The following FAM133A variants were observed in gnomAD, a reference collection of about 807,000 sequenced individuals.
The protein encoded by FAM133A is protein FAM133A.
For missense variants in FAM133A, 159 were observed against 164.4 expected, an observed-to-expected ratio of 0.97 and a Z score of 0.18; for synonymous variants, 65 against 58.6, an observed-to-expected ratio of 1.11 and a Z score of -0.50.
intron 3 of FAM133A, among the ~76,000 whole-genome samples, chrX:93,700,635 A>G (rs1370519635): frequency 9.0e-6 from 1 of 111,494 alleles, no homozygotes; most frequent in Non-Finnish European, 1.9e-5. Context: ...ATTACGTGCT[A>G]TTATTTTCAG....
At chrX:93,678,782 G>T (rs1223324826) in intron 2 of FAM133A, among the ~76,000 whole-genome samples, 1 of 111,783 alleles carries the variant, frequency 8.9e-6, no homozygotes, top group South Asian at 3.7e-4. Flanking sequence ...GTATGTGTGG[G>T]TCTATGTTGG....
At chrX:93,676,271 C>T (rs1924690005) in intron 2 of FAM133A, among the ~76,000 whole-genome samples, 1 of 111,037 alleles carries the variant, frequency 9.0e-6, no homozygotes, top group Non-Finnish European at 1.9e-5. Flanking sequence ...TCAGGCAATA[C>T]ATTGAAATAC....
At chrX:93,683,080 G>A (rs1925276463) in intron 2 of FAM133A, among the ~76,000 whole-genome samples, 2 of 111,564 alleles carry the variant, frequency 1.8e-5, no homozygotes, top group African/African-American at 3.3e-5. Flanking sequence ...TTAAAGAATT[G>A]GTGTTTTACC....
chrX:93,706,226 C>A (rs1415054307), intron 3 of FAM133A, among the ~76,000 whole-genome samples: 1 of 112,065 alleles, frequency 8.9e-6, no homozygotes, highest in African/African-American at 3.2e-5. Flanking sequence ...AAAATTTAAA[C>A]ATTACAGAGT....
At chrX:93,690,759 G>T (rs987050172) in intron 2 of FAM133A, among the ~76,000 whole-genome samples, 3 of 111,597 alleles carry the variant, frequency 2.7e-5, no homozygotes, top group South Asian at 3.6e-4. Context: ...TTGCTGTGTT[G>T]TATGGTATAT....
chrX:93,691,296 G>A lies in FAM133A; in HGVS notation c.-192-7101G>A, dbSNP rs751015769. 7.2e-5 allele frequency among the ~76,000 whole-genome samples: 8 copies of A among 111,044 alleles called. No individual in the cohort carries two copies. The South Asian group carries it at 1.5e-3, about 21-fold the overall frequency. On this transcript the variant is annotated intron_variant, in intron 2 of 3. Transcript: ENST00000683942. ...CTCTTACCTTTAGATCTTACATTTA[G>A]GTCTGTGATCTATTTTGAGTTAACT...
intron 2 of FAM133A, among the ~76,000 whole-genome samples, chrX:93,692,501 A>G (rs1482129632): frequency 1.8e-5 from 2 of 112,204 alleles, no homozygotes; most frequent in African/African-American, 6.5e-5. Context: ...GTTACTGAAT[A>G]GTTTCCTTTT....
intron 2 of FAM133A, among the ~76,000 whole-genome samples, chrX:93,687,770 T>C (rs1172698336): frequency 8.9e-6 from 1 of 111,925 alleles, no homozygotes; most frequent in African/African-American, 3.2e-5. Context: ...ACTGTAACTT[T>C]GTAGCAATGA....
At chrX:93,686,590 C>T (rs1602801699) in intron 2 of FAM133A, among the ~76,000 whole-genome samples, 1 of 111,788 alleles carries the variant, frequency 8.9e-6, no homozygotes, top group Non-Finnish European at 1.9e-5. Context: ...CTGCAGACCA[C>T]GGAAACAGGG....
intron 2 of FAM133A, among the ~76,000 whole-genome samples, chrX:93,675,399 A>G (rs1264298975): frequency 8.9e-6 from 1 of 111,871 alleles, no homozygotes; most frequent in Non-Finnish European, 1.9e-5. Context: ...CAAATGATCG[A>G]CATCTTATTT....
At chrX:93,681,824 A>G (rs1348054520) in intron 2 of FAM133A, among the ~76,000 whole-genome samples, 1 of 112,042 alleles carries the variant, frequency 8.9e-6, no homozygotes, top group East Asian at 2.8e-4. Flanking sequence ...TTGTTTGTTT[A>G]GAGGTAACTG....
At chrX:93,683,225 CTTTCA>C (rs1477241521) in intron 2 of FAM133A, among the ~76,000 whole-genome samples, 1 of 111,453 alleles carries the variant, frequency 9.0e-6, no homozygotes, top group Non-Finnish European at 1.9e-5. Flanking sequence ...TTATTTAACC[CTTTCA>C]TTTCATTAGT....
chrX:93,709,633 G>C lies in FAM133A; in HGVS notation c.214G>C (p.Glu72Gln), dbSNP rs1476222624. The C allele has an allele frequency of 8.4e-7, 1 of 1,189,172 alleles. No homozygotes were observed. The highest frequency in any genetic ancestry group is 1.8e-5 in the African/African-American group (1 of 55,562). Residue 72 changes from glutamate to glutamine, a missense_variant, in exon 4 of 4, where the codon GAA (glutamate) becomes CAA (glutamine). Physicochemically the swap from Glu to Gln is conservative, Grantham distance 29. Coordinates refer to ENST00000683942, the MANE Select transcript of FAM133A (RefSeq NM_001171109.2). ...AAAAATGAATGAAAATTGGAAGAAA[G>C]AACTTGAAAAAAGCAGAGAGAAATT... ...EEKMNENWKK[E>Q]LEKSREKLLS... is the part of the protein sequence containing the mutation.
intron 3 of FAM133A, among the ~76,000 whole-genome samples, chrX:93,701,512 A>G (rs1411017644): frequency 9.0e-6 from 1 of 111,567 alleles, no homozygotes. Flanking sequence ...GATTTGTTTC[A>G]TGTAAGGTGA....
rs754613806 is a variant in FAM133A, at chrX:93,709,846, C to G, written c.427C>G (p.Gln143Glu). Residue 143 changes from glutamine (Q) to glutamate (E), a missense_variant, in exon 4 of 4, where the codon CAA (glutamine) becomes GAA (glutamate). By Grantham distance (29) the Gln-to-Glu change is conservative. Transcript: ENST00000683942. ...KKKNRSYKSS[Q>E]SSTHESESES... is the part of the protein sequence containing the mutation. The stretch of plus-strand genomic sequence containing the variant: ...GAAGAACCGTTCATACAAATCATCC[C>G]AAAGCTCTACGCATGAATCAGAATC... 4.2e-6 allele frequency: 5 copies of G among 1,201,942 alleles called. No individual in the cohort carries two copies. In the East Asian group the frequency reaches 1.5e-4, roughly 36 times the overall value.
chrX:93,707,091 A>G (rs770739164), intron 3 of FAM133A, among the ~76,000 whole-genome samples: 5 of 112,417 alleles, frequency 4.4e-5, no homozygotes, highest in Admixed American at 3.8e-4. Context: ...ACTAGGTCTC[A>G]AGGGACTGAA....
chrX:93,688,031 C>A (rs1403276525), intron 2 of FAM133A, among the ~76,000 whole-genome samples: 1 of 111,365 alleles, frequency 9.0e-6, no homozygotes, highest in Non-Finnish European at 1.9e-5. Flanking sequence ...ATCACATTTT[C>A]TTTGTCCATT....
rs1426110699 is a variant in FAM133A at position 93,710,967 on chromosome X, G to A, written c.*801G>A. 2 of 122,849 alleles carry A rather than the reference G, an allele frequency of 1.6e-5. No individual in the cohort carries two copies. The highest frequency in any genetic ancestry group is 3.3e-5 in the African/African-American group (1 of 30,713). The allele number at this position is 122,849 out of a possible 1,213,427, so 10.1% of individuals were successfully genotyped here. On this transcript the variant is annotated 3_prime_UTR_variant, in exon 4 of 4. Transcript: ENST00000683942. Reference sequence around the variant, plus strand: ...GGAACCATTCTAAACAGACCCTGATGTTGTTTGATTAAGAAATATTCTGAA... The same window carrying A: ...GGAACCATTCTAAACAGACCCTGATATTGTTTGATTAAGAAATATTCTGAA...
chrX:93,675,431 G>A (rs919296522), intron 2 of FAM133A, among the ~76,000 whole-genome samples: 4 of 111,268 alleles, frequency 3.6e-5, no homozygotes, highest in African/African-American at 1.3e-4. Context: ...CATATTCCAT[G>A]GAAATAATTG....
Sources: allele counts gnomAD v4.1 joint callset (sites outside exome capture counted in the v4.1 genomes callset), GRCh38; gene constraint gnomAD v4.1.1; transcripts MANE v1.5; gene names NCBI Gene and HGNC (gene_info 2026-07-23, HGNC 2026-07-21).